The following TMTC4 variants were observed in gnomAD, a reference collection of about 807,000 sequenced individuals.
TMTC4 encodes the protein protein O-mannosyl-transferase TMTC4.
In TMTC4, 65 loss-of-function variants were observed where a neutral mutation model predicts 86.0. The ratio of observed to expected loss-of-function variants is 0.76; its 90% CI spans 0.62 to 0.93. The LOEUF (loss-of-function observed/expected upper bound fraction) is 0.93, where lower values mean the gene tolerates loss of function less well. Ranked by LOEUF, TMTC4 falls within the 40% of genes least tolerant of loss-of-function variation. The pLI is 0.00. For synonymous variants in TMTC4, 379 were observed against 382.5 expected (o/e 0.99, Z 0.11); for missense variants, 866 against 948.1 (o/e 0.91, Z 1.14).
At chr13:100,660,936 G>A (rs1885705864) in intron 5 of TMTC4, among the ~76,000 whole-genome samples, 1 of 152,196 alleles carries the variant, frequency 6.6e-6, no homozygotes, top group African/African-American at 2.4e-5. Flanking sequence ...TTACGGGTGT[G>A]AGCCACTGCG....
At chr13:100,654,353 C>T (rs17579126) in intron 6 of TMTC4, among the ~76,000 whole-genome samples, 16,208 of 152,014 alleles carry the variant, frequency 0.11, 957 homozygotes, top group Non-Finnish European at 0.14. Flanking sequence ...AGAATGTTAC[C>T]GGACAAAAAA....
At chr13:100,658,976 A>G (rs1415001462) in intron 5 of TMTC4, among the ~76,000 whole-genome samples, 2 of 152,196 alleles carry the variant, frequency 1.3e-5, no homozygotes, top group Non-Finnish European at 2.9e-5. Context: ...AAGCAAGAAA[A>G]CATTTTCTTT....
chr13:100,667,887 T>C (rs1375945000), intron 3 of TMTC4, among the ~76,000 whole-genome samples: 1 of 152,200 alleles, frequency 6.6e-6, no homozygotes, highest in Non-Finnish European at 1.5e-5. Flanking sequence ...CTTTTTCATC[T>C]TTTCCCACAA....
intron 5 of TMTC4, among the ~76,000 whole-genome samples, chr13:100,658,980 T>A (rs1016010351): frequency 6.6e-6 from 1 of 152,146 alleles, no homozygotes. Context: ...AAGAAAACAT[T>A]TTCTTTTCCT....
intron 5 of TMTC4, among the ~76,000 whole-genome samples, chr13:100,662,123 T>G (rs1330860538): frequency 1.3e-5 from 2 of 151,614 alleles, no homozygotes; most frequent in Non-Finnish European, 2.9e-5. Flanking sequence ...CCACTGAGGA[T>G]ATGCTGATGT....
chr13:100,674,173 C>CGCCCGGGA (rs1396374956), intron 1 of TMTC4: 3 of 973,188 alleles, frequency 3.1e-6, no homozygotes, highest in Middle Eastern at 5.2e-4. Context: ...TGGCCCCGGG[C>CGCCCGGGA]GCCCGGGCCG....
chr13:100,649,521 T>A (rs986791029), intron 6 of TMTC4, among the ~76,000 whole-genome samples: 1 of 152,214 alleles, frequency 6.6e-6, no homozygotes, highest in African/African-American at 2.4e-5. Flanking sequence ...CCACTTTGCA[T>A]ATAGTGGGCA....
intron 15 of TMTC4, 115 bp downstream of exon 15, chr13:100,625,420 T>C: frequency 7.2e-7 from 1 of 1,391,640 alleles, no homozygotes; most frequent in South Asian, 1.2e-5. Context: ...GATAGAAACA[T>C]GTGAAAGAAC....
chr13:100,638,242 T>C (rs1217308922), intron 7 of TMTC4: 3 of 471,662 alleles, frequency 6.4e-6, no homozygotes, highest in Non-Finnish European at 3.8e-6. Context: ...AAGCCCCTGA[T>C]AGTAATGATT....
chr13:100,667,331 AG>A (rs1408601516), intron 3 of TMTC4, among the ~76,000 whole-genome samples: 2 of 152,122 alleles, frequency 1.3e-5, no homozygotes, highest in African/African-American at 4.8e-5. Context: ...TGGGAGGCTG[AG>A]GCAGTAGAAT....
intron 6 of TMTC4, among the ~76,000 whole-genome samples, chr13:100,650,812 C>T (rs927798921): frequency 6.6e-5 from 10 of 152,224 alleles, no homozygotes; most frequent in African/African-American, 1.9e-4. Flanking sequence ...AGCGTCCTAT[C>T]GGACATGAGT....
At position 100,674,746 on chromosome 13, in the gene TMTC4, G is replaced by C; in HGVS notation, c.-210C>G. 2 of 983,798 alleles carry C rather than the reference G, an allele frequency of 2.0e-6. No homozygotes were observed. Among genetic ancestry groups the C allele is most frequent in the Non-Finnish European group, 2.4e-6 (2 of 829,332 alleles). 60.9% of individuals were successfully genotyped at this position (983,798 alleles called of 1,614,324 possible). On this transcript the variant is annotated splice_region_variant and 5_prime_UTR_variant, in exon 1 of 19. Transcript: ENST00000342624. ...GCAGGGGCCGCCCCGCGCGTTACCT[G>C]CAAGGAGCCTGAGCCCCGGCCGCAT... is the stretch of plus-strand genomic sequence containing the variant.
chr13:100,631,734 A>G (rs1881388671), intron 12 of TMTC4, among the ~76,000 whole-genome samples: 3 of 152,196 alleles, frequency 2.0e-5, no homozygotes, highest in Non-Finnish European at 4.4e-5. Flanking sequence ...ATAGATATCA[A>G]ATGAAACCAG....
At chr13:100,625,726 T>A (rs1880398282) in intron 14 of TMTC4, 50 bp from the exon 15 acceptor site, 1 of 1,609,970 alleles carries the variant, frequency 6.2e-7, no homozygotes, top group African/African-American at 1.3e-5. Context: ...AAGGCTTAGA[T>A]GCCGGAATGC....
At chr13:100,653,049 T>C (rs929579847) in intron 6 of TMTC4, among the ~76,000 whole-genome samples, 3 of 152,194 alleles carry the variant, frequency 2.0e-5, no homozygotes, top group Admixed American at 6.5e-5. Context: ...TATTTTTGCA[T>C]ATGGGGCTCT....
intron 5 of TMTC4, among the ~76,000 whole-genome samples, chr13:100,656,813 G>A (rs1443177267): frequency 6.6e-6 from 1 of 151,964 alleles, no homozygotes; most frequent in Non-Finnish European, 1.5e-5. Flanking sequence ...CAAAGTGGTG[G>A]GATTACAGGT....
intron 1 of TMTC4, chr13:100,674,498 G>T (rs1195477058): frequency 1.0e-6 from 1 of 962,122 alleles, no homozygotes; most frequent in Non-Finnish European, 1.2e-6. Flanking sequence ...GGCGGGCGGG[G>T]CGCGCAGCCT....
chr13:100,637,470 G>A, intron 9 of TMTC4, 68 bp downstream of exon 9: 1 of 1,544,298 alleles, frequency 6.5e-7, no homozygotes, highest in Non-Finnish European at 8.8e-7. Flanking sequence ...ACGAGGAGGA[G>A]GGGTGAGGGA....
At position 100,618,945 on chromosome 13, in the gene TMTC4, C is replaced by T. The variant is rs1020796579; in HGVS notation, c.1837-4515G>A. On this transcript the variant is annotated intron_variant, in intron 15 of 18. Coordinates refer to ENST00000342624, the MANE Select transcript of TMTC4 (RefSeq NM_032813.5). ...TCTCAATCTTTTCCCCACCTTTCCC[C>T]CCTTTCTATTCCACAAAACCGCCAT... 5.3e-5 allele frequency among the ~76,000 whole-genome samples: 8 copies of T among 152,232 alleles called. No individual in the cohort carries two copies. The East Asian group carries it at 1.5e-3, about 29-fold the overall frequency.
Sources: allele counts gnomAD v4.1 joint callset (sites outside exome capture counted in the v4.1 genomes callset), GRCh38; gene constraint gnomAD v4.1.1; transcripts MANE v1.5; gene names NCBI Gene and HGNC (gene_info 2026-07-23, HGNC 2026-07-21).